The following RNF213 variants were observed in gnomAD, a reference collection of about 807,000 sequenced individuals.
The protein encoded by RNF213 is ring finger protein 213, also known as E3 ubiquitin-protein ligase RNF213.
In RNF213, 341 loss-of-function variants were observed where a neutral mutation model predicts 514.4. The observed-to-expected ratio is 0.66, with a 90% CI of 0.61 to 0.73. RNF213 has a LOEUF of 0.73. Among genes scored for constraint, RNF213 ranks in the 30% least tolerant of loss-of-function variants. The pLI, the probability that RNF213 is intolerant of heterozygous loss-of-function variation, is 0.00. For synonymous variants in RNF213, 2,655 were observed against 2,658.2 expected (o/e 1.00, Z 0.04); for missense variants, 5,767 against 6,615.6 (o/e 0.87, Z 4.45).
chr17:80,322,850 T>C (rs1366621543), intron 17 of RNF213, among the ~76,000 whole-genome samples: 1 of 152,200 alleles, frequency 6.6e-6, no homozygotes, highest in African/African-American at 2.4e-5. Context: ...CACATTCTTA[T>C]TGGTTTCTTT....
At chr17:80,294,326 T>G (rs2044856672) in intron 8 of RNF213, among the ~76,000 whole-genome samples, 1 of 152,206 alleles carries the variant, frequency 6.6e-6, no homozygotes, top group Non-Finnish European at 1.5e-5. Context: ...ACCAGGACAG[T>G]GCTCACTTGC....
In RNF213 at chr17:80,344,950, C is replaced by T. The variant is rs373551760; in HGVS notation, c.6615C>T (p.Cys2205=). 2.4e-5 allele frequency: 39 copies of T among 1,614,026 alleles called. No individual in the cohort carries two copies. The highest frequency in any genetic ancestry group is 8.9e-5 in the East Asian group (4 of 44,890). The stretch of plus-strand genomic sequence containing the variant: ...GCCTCCAGCATTTCCTGTTTCACTG[C>T]GGGGTAATAAACCCATCCTGGTCAG... The part of the protein sequence containing the change: ...EECLQHFLFH[C]GVINPSWSEL... The change falls in exon 29 of 68, where the codon TGC becomes TGT. Residue 2205 remains cysteine (C), a synonymous_variant. Coordinates refer to ENST00000582970, the MANE Select transcript of RNF213 (RefSeq NM_001256071.3).
chr17:80,392,965 G>A (rs1237511257), intron 67 of RNF213, among the ~76,000 whole-genome samples: 1 of 150,258 alleles, frequency 6.7e-6, no homozygotes, highest in Non-Finnish European at 1.5e-5. Context: ...GGACTGATTG[G>A]TCCCCTTATG....
At chr17:80,387,465 C>G (rs957799953) in intron 63 of RNF213, among the ~76,000 whole-genome samples, 1 of 152,214 alleles carries the variant, frequency 6.6e-6, no homozygotes, top group Non-Finnish European at 1.5e-5. Flanking sequence ...GCCCCTCTTC[C>G]TTCAGCCTCC....
At chr17:80,267,272 G>T (rs966337502) in intron 2 of RNF213, among the ~76,000 whole-genome samples, 2 of 151,362 alleles carry the variant, frequency 1.3e-5, no homozygotes, top group African/African-American at 4.9e-5. Flanking sequence ...GAAAACCCAT[G>T]TCTACTAAAA....
At position 80,381,627 on chromosome 17, in the gene RNF213, G is replaced by A. The variant is rs2144600262; in HGVS notation, c.13878G>A (p.Gln4626=). Residue 4626 remains glutamine (Q), a synonymous_variant, in exon 57 of 68, where the codon CAG becomes CAA. Transcript: ENST00000582970. ...AGCACATCCTGAAGGACCTGGAGCA[G>A]TTGGCCAAGATGCTGGGACACAGTG... ...LQQHILKDLE[Q]LAKMLGHSAD... 6.2e-7 allele frequency: 1 copy of A among 1,614,254 alleles called. No individual in the cohort carries two copies. Among genetic ancestry groups the A allele is most frequent in the East Asian group, 2.2e-5 (1 of 44,880 alleles).
intron 13 of RNF213, among the ~76,000 whole-genome samples, chr17:80,308,336 C>T (rs150706422): frequency 1.3e-5 from 2 of 152,186 alleles, no homozygotes; most frequent in Non-Finnish European, 2.9e-5. Flanking sequence ...CTTTCTTACA[C>T]CGCCTTCCCA....
At position 80,340,218 on chromosome 17, in the gene RNF213, A is replaced by T. The variant is rs1433442248; in HGVS notation, c.5851A>T (p.Thr1951Ser). 1 of 1,613,062 alleles carries T rather than the reference A, an allele frequency of 6.2e-7. No individual in the cohort carries two copies. The highest frequency in any genetic ancestry group is 8.5e-7 in the Non-Finnish European group (1 of 1,179,798). The change falls in exon 26 of 68, where the codon ACC becomes TCC. Residue 1951 changes from threonine to serine, a missense_variant. Physicochemically the swap from Thr to Ser is moderately conservative, Grantham distance 58. This residue lies in a region of RNF213 where 1,377 missense variants were observed against 1,635.2 expected (regional missense o/e 0.84). Transcript: ENST00000582970. Reference protein sequence around the residue: ...SAFSQHKVFVTPQAPLEAIQA... With the variant: ...SAFSQHKVFVSPQAPLEAIQA... Reference sequence around the variant, plus strand: ...CTTCAGCCAGCACAAGGTCTTCGTCACCCCCCAGGCACCCCTCGAGGCCAT... The same window carrying T: ...CTTCAGCCAGCACAAGGTCTTCGTCTCCCCCCAGGCACCCCTCGAGGCCAT...
chr17:80,390,236 G>A, intron 67 of RNF213, 40 bp downstream of exon 67: 1 of 1,592,490 alleles, frequency 6.3e-7, no homozygotes, highest in Non-Finnish European at 8.6e-7. Context: ...CAGACACAAT[G>A]TTGTGCTGTC....
intron 8 of RNF213, 129 bp from the exon 9 acceptor site, chr17:80,294,591 C>T: frequency 3.3e-6 from 4 of 1,196,440 alleles, no homozygotes; most frequent in South Asian, 2.5e-5. Flanking sequence ...TTTGCTTTTC[C>T]CTTCCTCCCT....
At chr17:80,316,903 A>T (rs1294440030) in intron 15 of RNF213, among the ~76,000 whole-genome samples, 1 of 152,234 alleles carries the variant, frequency 6.6e-6, no homozygotes, top group Non-Finnish European at 1.5e-5. Flanking sequence ...AAAAATTTTC[A>T]AAGTATAACA....
Position 80,345,189 on chromosome 17 carries a change from GGGAAGAAGATCTAGCGCCCTTCTCCCTCC to G in RNF213, c.6861_6889del (p.Asp2288ValfsTer13). On this transcript the variant is annotated frameshift_variant, in exon 29 of 68. Transcript: ENST00000582970. LOFTEE classifies it high-confidence loss of function. This position sits in a 1 kb window ranked among gnomAD's most constrained non-coding sequence, Gnocchi z 6.0. ...CACATGGTCACCATGGATGGGGTTAGGGAAGAAGATCTAGCGCCCTTCTCCCTCCGGAAGAGGTGGGAGTCGGAGCCTCA... is the reference window on the plus strand; with the variant it reads ...CACATGGTCACCATGGATGGGGTTAGGGAAGAGGTGGGAGTCGGAGCCTCA... 6.2e-7 allele frequency: 1 copy of G among 1,614,126 alleles called. No individual in the cohort carries two copies. The highest frequency in any genetic ancestry group is 8.5e-7 in the Non-Finnish European group (1 of 1,180,020).
intron 28 of RNF213, among the ~76,000 whole-genome samples, chr17:80,344,236 T>G (rs1437414246): frequency 6.6e-6 from 1 of 152,240 alleles, no homozygotes; most frequent in Non-Finnish European, 1.5e-5. Flanking sequence ...CTTCAATATT[T>G]CTGTTCAATT....
At position 80,358,444 on chromosome 17, in the gene RNF213, G is replaced by C; in HGVS notation, c.11019G>C (p.Met3673Ile). 6.2e-7 allele frequency: 1 copy of C among 1,614,164 alleles called. No individual in the cohort carries two copies. The highest frequency in any genetic ancestry group is 1.1e-5 in the South Asian group (1 of 91,084). The change falls in exon 37 of 68, where the codon ATG (methionine) becomes ATC (isoleucine). Residue 3673 changes from methionine (M) to isoleucine (I), a missense_variant. By Grantham distance (10) the Met-to-Ile change is conservative (BLOSUM62 1). Transcript: ENST00000582970. ...GGATGTTTATTTTCAGTGACACGAT[G>C]CTTCTGAACATTCCTCTTGTGATGA... ...DLWMFIFSDTMLLNIPLVMNN... is the reference protein window; with the variant it reads ...DLWMFIFSDTILLNIPLVMNN...
chr17:80,307,559 GTTTT>G lies in RNF213; in HGVS notation c.2501+362_2501+365del, dbSNP rs2045412742. Among the ~76,000 whole-genome samples, 5 of 123,270 alleles carry G rather than the reference GTTTT, an allele frequency of 4.1e-5. No individual in the cohort carries two copies. The South Asian group carries it at 1.2e-3, about 30-fold the overall frequency. 80.9% of individuals were successfully genotyped at this position (123,270 alleles called of 152,430 possible). On this transcript the variant is annotated intron_variant, in intron 13 of 67. Coordinates refer to ENST00000582970, the MANE Select transcript of RNF213 (RefSeq NM_001256071.3). ...TGTGTGTTGGTTTGTTTGTTTGTTTGTTTTTTTGAGATGGAGTCTCACTCTTGTT... is the reference window on the plus strand; with the variant it reads ...TGTGTGTTGGTTTGTTTGTTTGTTTGTTTGAGATGGAGTCTCACTCTTGTT...
intron 15 of RNF213, among the ~76,000 whole-genome samples, chr17:80,313,382 C>T (rs983780246): frequency 8.5e-5 from 13 of 152,064 alleles, no homozygotes; most frequent in East Asian, 1.9e-4. Flanking sequence ...TGCACTGCCT[C>T]GTGTCCCCTG....
At chr17:80,355,088 G>A (rs1252440317) in intron 36 of RNF213, 1 of 407,366 alleles carries the variant, frequency 2.5e-6, no homozygotes, top group Non-Finnish European at 4.9e-6. Flanking sequence ...GGAAGGAGGG[G>A]TGCTCTGGGC....
rs74455936 is a variant in RNF213, at chr17:80,306,464, C to T, written c.2423C>T (p.Thr808Met). The T allele has an allele frequency of 2.1e-3, 3,357 of 1,613,802 alleles. 50 individuals are homozygous for T. In the African/African-American group the frequency reaches 0.035, roughly 17 times the overall value. The change falls in exon 12 of 68, where the codon ACG becomes ATG. Residue 808 changes from threonine (T) to methionine (M), a missense_variant. Physicochemically the swap from Thr to Met is moderately conservative, Grantham distance 81. Around this residue, in one of 13 missense-constraint regions of RNF213, gnomAD observed 592 missense variants for 673.9 expected, o/e 0.88. Transcript: ENST00000582970. ...CCGGGACTTGAGCAAGTCTTGAATA[C>T]GCAGGTTTGTGTCTGAAGTCGGCTC... ...RLPGLEQVLNTQDVQDVQNVQ... is the reference protein window; with the variant it reads ...RLPGLEQVLNMQDVQDVQNVQ...
intron 50 of RNF213, 156 bp downstream of exon 50, chr17:80,374,745 C>T (rs969423045): frequency 2.4e-6 from 2 of 843,212 alleles, no homozygotes; most frequent in Admixed American, 2.1e-5. Flanking sequence ...GCCTCCAGGG[C>T]GCACCTGGCT....
Sources: allele counts gnomAD v4.1 joint callset (sites outside exome capture counted in the v4.1 genomes callset), GRCh38; gene constraint gnomAD v4.1.1; regional missense constraint gnomAD v4.1.1; non-coding constraint Gnocchi (gnomAD v3.1); transcripts MANE v1.5; gene names NCBI Gene and HGNC (gene_info 2026-07-23, HGNC 2026-07-21).